CCDC50: variants seen among roughly 807,000 people sequenced by gnomAD.
CCDC50 encodes the protein coiled-coil domain containing 50.
Under a neutral mutation model 70.2 loss-of-function variants are expected in CCDC50, and 54 were observed. The observed-to-expected ratio is 0.77, with a 90% CI of 0.62 to 0.96. CCDC50 has a LOEUF of 0.96. Ranked by LOEUF, CCDC50 falls within the 50% of genes least tolerant of loss-of-function variation. CCDC50 has a pLI of 0.00. For synonymous variants in CCDC50, 216 were observed against 198.8 expected (o/e 1.09, Z -0.73); for missense variants, 558 against 578.7 (o/e 0.96, Z 0.37).
At chr3:191,362,001 G>A (rs1349044782) in intron 4 of CCDC50, among the ~76,000 whole-genome samples, 1 of 152,074 alleles carries the variant, frequency 6.6e-6, no homozygotes, top group Non-Finnish European at 1.5e-5. Context: ...GTTTGATTCT[G>A]TATATATTTT....
chr3:191,366,340 CTG>C, intron 4 of CCDC50, among the ~76,000 whole-genome samples: 1 of 152,164 alleles, frequency 6.6e-6, no homozygotes, highest in Admixed American at 6.5e-5. Flanking sequence ...AGATCCTTAA[CTG>C]TTTCCTTCCT....
chr3:191,351,348 G>GATCAAATTTA (rs1387598751), intron 1 of CCDC50, among the ~76,000 whole-genome samples: 2,457 of 141,918 alleles, frequency 0.017, 280 homozygotes, highest in African/African-American at 0.058. Flanking sequence ...GGAATTTTAA[G>GATCAAATTTA]AGACATTCAA....
chr3:191,386,548 C>G (rs180928586), intron 10 of CCDC50, among the ~76,000 whole-genome samples: 1 of 152,280 alleles, frequency 6.6e-6, no homozygotes, highest in Non-Finnish European at 1.5e-5. Flanking sequence ...AATATAGATT[C>G]TTCCAACCCA....
chr3:191,362,167 A>G (rs946641117), intron 4 of CCDC50, among the ~76,000 whole-genome samples: 2 of 151,942 alleles, frequency 1.3e-5, no homozygotes, highest in African/African-American at 4.8e-5. Context: ...TTGCTCCATC[A>G]CCCAGGGTGG....
At chr3:191,355,440 G>A (rs929865265) in intron 1 of CCDC50, among the ~76,000 whole-genome samples, 57 of 151,954 alleles carry the variant, frequency 3.8e-4, no homozygotes, top group African/African-American at 1.3e-3. Flanking sequence ...TTTTCTTTCT[G>A]TCTATTCTTA....
chr3:191,354,756 G>T (rs1712222201), intron 1 of CCDC50, among the ~76,000 whole-genome samples: 1 of 152,084 alleles, frequency 6.6e-6, no homozygotes, highest in African/African-American at 2.4e-5. Flanking sequence ...TCGTATTTGT[G>T]GGGTGGGGTG....
chr3:191,334,389 A>G (rs1718077368), intron 1 of CCDC50, among the ~76,000 whole-genome samples: 1 of 152,206 alleles, frequency 6.6e-6, no homozygotes, highest in African/African-American at 2.4e-5. Flanking sequence ...TTTGTAAAAT[A>G]TATATTTTTT....
intron 1 of CCDC50, among the ~76,000 whole-genome samples, chr3:191,337,496 C>T (rs577331526): frequency 6.9e-4 from 105 of 152,138 alleles, no homozygotes; most frequent in African/African-American, 2.5e-3. Flanking sequence ...AGTTGCCCGC[C>T]ACTATGCCCA....
intron 6 of CCDC50, among the ~76,000 whole-genome samples, chr3:191,377,747 A>T (rs1334634532): frequency 6.6e-6 from 1 of 152,110 alleles, no homozygotes; most frequent in African/African-American, 2.4e-5. Flanking sequence ...TATTCTGTAA[A>T]TTTATTTAAG....
rs753688300 is a variant in CCDC50, at chr3:191,375,367, G to C, written c.754G>C (p.Asp252His). The C allele has an allele frequency of 6.2e-7, 1 of 1,613,754 alleles. No individual in the cohort carries two copies. The part of the protein sequence containing the change: ...SGEVFLSTEC[D>H]DWETKINHQT... ...TGAAGTGTTTCTGAGCACTGAATGT[G>C]ATGACTGGGAGACTAAGATTAACCA... is the stretch of plus-strand genomic sequence containing the variant. The change falls in exon 6 of 12, where the codon GAT becomes CAT. Residue 252 changes from aspartate (D) to histidine (H), a missense_variant. Transcript: ENST00000392455.
intron 3 of CCDC50, among the ~76,000 whole-genome samples, chr3:191,360,774 G>A (rs1215126568): frequency 6.6e-6 from 1 of 152,202 alleles, no homozygotes; most frequent in Non-Finnish European, 1.5e-5. Flanking sequence ...GGGGTGAAGT[G>A]ATAGGTGGTA....
intron 5 of CCDC50, among the ~76,000 whole-genome samples, chr3:191,373,754 TC>T (rs1399824772): frequency 6.6e-6 from 1 of 152,162 alleles, no homozygotes; most frequent in Non-Finnish European, 1.5e-5. Context: ...GATAAATACT[TC>T]TACAGACTGT....
At chr3:191,332,385 G>A (rs1236239520) in intron 1 of CCDC50, among the ~76,000 whole-genome samples, 1 of 152,126 alleles carries the variant, frequency 6.6e-6, no homozygotes, top group African/African-American at 2.4e-5. Flanking sequence ...TTCATATGTA[G>A]GTGAAAAGAA....
chr3:191,382,051 T>G (rs1713338125), intron 9 of CCDC50, among the ~76,000 whole-genome samples: 1 of 152,140 alleles, frequency 6.6e-6, no homozygotes, highest in Non-Finnish European at 1.5e-5. Context: ...ACTGTTTTAG[T>G]CAAGGATTCC....
intron 10 of CCDC50, among the ~76,000 whole-genome samples, chr3:191,388,498 AGAACC>A (rs1713572703): frequency 1.3e-5 from 2 of 152,220 alleles, no homozygotes; most frequent in Admixed American, 1.3e-4. Context: ...TAATCTGTGT[AGAACC>A]TGTAGCATGG....
Position 191,375,207 on chromosome 3 carries a change from T to C in CCDC50, c.594T>C (p.Cys198=), listed in dbSNP as rs2108662841. The change falls in exon 6 of 12, where the codon TGT becomes TGC. Residue 198 remains cysteine (C), a synonymous_variant. Coordinates refer to ENST00000392455, the MANE Select transcript of CCDC50 (RefSeq NM_178335.3). ...LENLEEPEQH[C]SSKRSLSSSS... ...ACTTGGAAGAGCCAGAACAACATTG[T>C]TCATCGAAGAGATCCCTGTCATCCT... 1.2e-6 allele frequency: 2 copies of C among 1,613,686 alleles called. No homozygotes were observed. Among genetic ancestry groups the C allele is most frequent in the South Asian group, 1.1e-5 (1 of 91,074 alleles).
intron 1 of CCDC50, among the ~76,000 whole-genome samples, chr3:191,332,804 A>C (rs1223514194): frequency 1.3e-5 from 2 of 152,178 alleles, no homozygotes; most frequent in Non-Finnish European, 2.9e-5. Flanking sequence ...TTGCTCTCCA[A>C]GTTCCTGTAT....
At position 191,375,552 on chromosome 3, in the gene CCDC50, C is replaced by A; in HGVS notation, c.939C>A (p.Phe313Leu). ...KRRHRPRTPP[F>L]SESEEQLHLH... The stretch of plus-strand genomic sequence containing the variant: ...GACACAGGCCCAGGACTCCTCCATT[C>A]TCAGAGAGTGAGGAGCAGCTCCACC... The change falls in exon 6 of 12, where the codon TTC (phenylalanine) becomes TTA (leucine). Residue 313 changes from phenylalanine to leucine, a missense_variant. By Grantham distance (22) the Phe-to-Leu change is conservative. Transcript: ENST00000392455. 5 of 1,613,324 alleles carry A rather than the reference C, an allele frequency of 3.1e-6. No individual in the cohort carries two copies. The highest frequency in any genetic ancestry group is 4.2e-6 in the Non-Finnish European group (5 of 1,179,690).
intron 4 of CCDC50, among the ~76,000 whole-genome samples, chr3:191,369,358 C>T (rs4677725): frequency 0.32 from 47,978 of 151,542 alleles, 7,596 homozygotes; most frequent in Non-Finnish European, 0.33. Context: ...GGAAACATTA[C>T]GGAATGTTAT....
Sources: allele counts gnomAD v4.1 joint callset (sites outside exome capture counted in the v4.1 genomes callset), GRCh38; gene constraint gnomAD v4.1.1; transcripts MANE v1.5; gene names NCBI Gene and HGNC (gene_info 2026-07-23, HGNC 2026-07-21).